Variants in GRM8 observed in about 807,000 individuals in gnomAD.
GRM8 encodes the protein metabotropic glutamate receptor 8.
GRM8 carries 47 observed loss-of-function variants against 87.2 expected under a neutral mutation model. The observed-to-expected ratio is 0.54, with a 90% CI of 0.43 to 0.69. The LOEUF (loss-of-function observed/expected upper bound fraction) is 0.69. Among genes scored for constraint, GRM8 ranks in the 30% least tolerant of loss-of-function variants. The probability of loss-of-function intolerance (pLI) is 0.00; values close to 1 mark genes in which losing one functional copy is unlikely to be tolerated. For synonymous variants in GRM8, 396 were observed against 404.5 expected, an observed-to-expected ratio of 0.98 and a Z score of 0.25; for missense variants, 1,019 against 1,139.2, an observed-to-expected ratio of 0.89 and a Z score of 1.52.
At chr7:126,684,639 A>G (rs987386650) in intron 7 of GRM8, among the ~76,000 whole-genome samples, 2 of 152,234 alleles carry the variant, frequency 1.3e-5, no homozygotes, top group African/African-American at 2.4e-5. Flanking sequence ...TCTCCAGCAC[A>G]GTGTCATAGA....
chr7:126,933,824 C>A (rs1333844703), intron 3 of GRM8, among the ~76,000 whole-genome samples: 1 of 152,128 alleles, frequency 6.6e-6, no homozygotes, highest in Non-Finnish European at 1.5e-5. Context: ...AGAGCAGGAA[C>A]CATGTCTGTT....
chr7:126,834,673 T>C (rs1795681462), intron 6 of GRM8, among the ~76,000 whole-genome samples: 1 of 152,198 alleles, frequency 6.6e-6, no homozygotes, highest in African/African-American at 2.4e-5. Flanking sequence ...TTTAATAGAT[T>C]TAACTTCTGG....
At chr7:127,051,621 C>T (rs1009223854) in intron 3 of GRM8, among the ~76,000 whole-genome samples, 4 of 148,866 alleles carry the variant, frequency 2.7e-5, no homozygotes, top group Non-Finnish European at 5.9e-5. Flanking sequence ...AAAAATTATC[C>T]AAATACAAAT....
At chr7:127,158,526 C>A (rs1792879637) in intron 2 of GRM8, among the ~76,000 whole-genome samples, 1 of 152,170 alleles carries the variant, frequency 6.6e-6, no homozygotes, top group African/African-American at 2.4e-5. Context: ...GTTTCAAAGG[C>A]AGGGACGTCC....
At chr7:127,028,002 C>T (rs1296440728) in intron 3 of GRM8, among the ~76,000 whole-genome samples, 20 of 152,104 alleles carry the variant, frequency 1.3e-4, no homozygotes, top group Non-Finnish European at 2.9e-5. Context: ...AGATACATTA[C>T]CTCCATACCT....
At chr7:126,657,959 TAA>T (rs758027133) in intron 7 of GRM8, among the ~76,000 whole-genome samples, 9 of 152,156 alleles carry the variant, frequency 5.9e-5, no homozygotes, top group Non-Finnish European at 1.3e-4. Context: ...TAAAATTAAG[TAA>T]AGAGATGCTA....
intron 8 of GRM8, among the ~76,000 whole-genome samples, chr7:126,581,383 C>T (rs574779525): frequency 6.6e-6 from 1 of 152,124 alleles, no homozygotes; most frequent in East Asian, 1.9e-4. Context: ...ATTGCTTATC[C>T]AGCTGGTAGC....
At chr7:126,839,321 A>G (rs927107136) in intron 6 of GRM8, among the ~76,000 whole-genome samples, 1 of 152,208 alleles carries the variant, frequency 6.6e-6, no homozygotes, top group Non-Finnish European at 1.5e-5. Flanking sequence ...CTCAGGCTCA[A>G]GTCCCTGATC....
At chr7:126,490,533 A>T (rs1246414810) in intron 9 of GRM8, among the ~76,000 whole-genome samples, 3 of 152,072 alleles carry the variant, frequency 2.0e-5, no homozygotes, top group Non-Finnish European at 4.4e-5. Context: ...TTAGAGAACA[A>T]GAACTATGCC....
At chr7:126,917,549 T>C (rs1363636005) in intron 3 of GRM8, among the ~76,000 whole-genome samples, 1 of 152,178 alleles carries the variant, frequency 6.6e-6, no homozygotes, top group Non-Finnish European at 1.5e-5. Context: ...AATATCCTAA[T>C]GCTATCAGGT....
At chr7:126,865,543 A>G (rs1371408014) in intron 6 of GRM8, among the ~76,000 whole-genome samples, 1 of 152,170 alleles carries the variant, frequency 6.6e-6, no homozygotes, top group Non-Finnish European at 1.5e-5. Flanking sequence ...ACCCAAAAAG[A>G]AGCCCTATTC....
chr7:126,689,492 T>C (rs1808563310), intron 7 of GRM8, among the ~76,000 whole-genome samples: 1 of 152,194 alleles, frequency 6.6e-6, no homozygotes, highest in Non-Finnish European at 1.5e-5. Flanking sequence ...GAAAGCTGAG[T>C]AGCCTCAATT....
At chr7:126,870,725 C>T (rs1687880785) in intron 6 of GRM8, among the ~76,000 whole-genome samples, 1 of 152,154 alleles carries the variant, frequency 6.6e-6, no homozygotes, top group Admixed American at 6.5e-5. Context: ...CTCCTGAAAA[C>T]AGATCACTGT....
chr7:126,978,715 C>T (rs908943923), intron 3 of GRM8, among the ~76,000 whole-genome samples: 1 of 152,168 alleles, frequency 6.6e-6, no homozygotes, highest in African/African-American at 2.4e-5. Context: ...GAAAGTCCCT[C>T]CAAACCTTAA....
At chr7:126,916,277 C>G (rs1803893111) in intron 3 of GRM8, among the ~76,000 whole-genome samples, 1 of 152,174 alleles carries the variant, frequency 6.6e-6, no homozygotes, top group Non-Finnish European at 1.5e-5. Context: ...CAGTTAAACA[C>G]CCCAGTGTAT....
At chr7:127,097,117 A>G (rs567832099) in intron 3 of GRM8, among the ~76,000 whole-genome samples, 152 of 152,308 alleles carry the variant, frequency 1.0e-3, no homozygotes, top group Non-Finnish European at 1.9e-3. Context: ...ACATGCTGAT[A>G]GAAAAGATTG....
intron 3 of GRM8, among the ~76,000 whole-genome samples, chr7:127,013,444 G>A (rs1815091751): frequency 6.6e-6 from 1 of 151,804 alleles, no homozygotes; most frequent in African/African-American, 2.4e-5. Flanking sequence ...GGGAAAGGAA[G>A]GCAGGTGCCT....
At chr7:127,033,627 G>T (rs1288793093) in intron 3 of GRM8, among the ~76,000 whole-genome samples, 1 of 152,096 alleles carries the variant, frequency 6.6e-6, no homozygotes, top group Non-Finnish European at 1.5e-5. Context: ...AACCTGGAAA[G>T]CTGGGTTCTT....
chr7:126,801,543 T>TC (rs1822697235), intron 6 of GRM8, among the ~76,000 whole-genome samples: 1 of 67,912 alleles, frequency 1.5e-5, no homozygotes, highest in African/African-American at 3.3e-5. Context: ...ACCAAAATAG[T>TC]ATTACTATGT....
Sources: gnomAD v4.1 joint callset for allele counts (sites outside exome capture counted in the v4.1 genomes callset) on GRCh38, gnomAD v4.1.1 for gene constraint, MANE v1.5 for transcripts, NCBI Gene and HGNC (gene_info 2026-07-23, HGNC 2026-07-21) for gene names.